The following DST variants were observed in gnomAD, a reference collection of about 807,000 sequenced individuals.
DST encodes dystonin, also known as bullous pemphigoid antigen.
In DST, 253 loss-of-function variants were observed where a neutral mutation model predicts 875.2. The observed-to-expected ratio is 0.29, with a 90% CI of 0.26 to 0.32. DST has a LOEUF of 0.32. Ranked by LOEUF, DST falls within the 10% of genes least tolerant of loss-of-function variation. The pLI, the probability that DST is intolerant of heterozygous loss-of-function variation, is 1.00. For synonymous variants in DST, 3,124 were observed against 3,197.1 expected, an observed-to-expected ratio of 0.98 and a Z score of 0.77; for missense variants, 8,287 against 9,111.6, an observed-to-expected ratio of 0.91 and a Z score of 3.68.
intron 68 of DST, among the ~76,000 whole-genome samples, chr6:56,526,848 AC>A (rs1263358777): frequency 3.3e-5 from 5 of 152,234 alleles, no homozygotes; most frequent in Non-Finnish European, 7.3e-5. Context: ...AGAAGCAAAA[AC>A]AAGCAAGTTA....
At chr6:56,713,025 C>G (rs1410460518) in intron 5 of DST, among the ~76,000 whole-genome samples, 1 of 152,220 alleles carries the variant, frequency 6.6e-6, no homozygotes, top group Admixed American at 6.5e-5. Flanking sequence ...AGCAACCTCT[C>G]AAGTCATGTG....
At chr6:56,585,806 G>A (rs573253370) in intron 49 of DST, among the ~76,000 whole-genome samples, 32 of 151,890 alleles carry the variant, frequency 2.1e-4, no homozygotes, top group South Asian at 8.3e-4. Context: ...CTTTGTTCTC[G>A]TTGGTTTCAA....
intron 4 of DST, among the ~76,000 whole-genome samples, chr6:56,817,120 A>T (rs2099767473): frequency 6.6e-6 from 1 of 151,854 alleles, no homozygotes; most frequent in Non-Finnish European, 1.5e-5. Flanking sequence ...AAGTAAATTA[A>T]ATTTTTTTTT....
intron 44 of DST, 121 bp downstream of exon 44, chr6:56,601,322 T>C (rs2098443960): frequency 1.6e-6 from 1 of 638,694 alleles, no homozygotes; most frequent in Non-Finnish European, 2.8e-6. Context: ...GTATGTACAC[T>C]GTATCTTATC....
At chr6:56,701,332 C>T (rs1354273708) in intron 8 of DST, among the ~76,000 whole-genome samples, 1 of 152,024 alleles carries the variant, frequency 6.6e-6, no homozygotes, top group Non-Finnish European at 1.5e-5. Flanking sequence ...ATGATTTCTC[C>T]TGATACCTCA....
At chr6:56,832,896 C>A (rs1454213760) in intron 4 of DST, among the ~76,000 whole-genome samples, 2 of 152,144 alleles carry the variant, frequency 1.3e-5, no homozygotes, top group Non-Finnish European at 2.9e-5. Flanking sequence ...TCCACCACCA[C>A]ATCCAGCTAA....
intron 2 of DST, among the ~76,000 whole-genome samples, chr6:56,937,089 G>A (rs1562463093): frequency 6.6e-6 from 1 of 151,454 alleles, no homozygotes; most frequent in Non-Finnish European, 1.5e-5. Context: ...AAAAGCAGCA[G>A]GAAACTTATT....
At chr6:56,760,110 T>C (rs1169451547) in intron 4 of DST, among the ~76,000 whole-genome samples, 1 of 152,120 alleles carries the variant, frequency 6.6e-6, no homozygotes, top group African/African-American at 2.4e-5. Context: ...GAACACAAAT[T>C]TAAAAGAAAA....
At position 56,636,411 on chromosome 6, in the gene DST, T is replaced by TAC. The variant is rs564139907; in HGVS notation, c.3060+144_3060+145dup. The TAC allele has an allele frequency of 2.2e-3, 1,446 of 664,008 alleles. 34 individuals are homozygous for TAC. Among genetic ancestry groups the TAC allele is most frequent in the South Asian group, 0.022 (1,386 of 64,322 alleles). The allele number at this position is 664,008 out of a possible 1,614,324, so 41.1% of individuals were successfully genotyped here. Reference sequence around the variant, plus strand: ...GTGTATACGTATGTGTGTATATATATACACACATATATGTGTATATATATA... The same window carrying TAC: ...GTGTATACGTATGTGTGTATATATATACACACACATATATGTGTATATATATA... On this transcript the variant is annotated intron_variant, in intron 23 of 103. Transcript: ENST00000680361.
chr6:56,931,101 TC>T (rs1050591301), intron 2 of DST, among the ~76,000 whole-genome samples: 1 of 152,212 alleles, frequency 6.6e-6, no homozygotes, highest in Non-Finnish European at 1.5e-5. Context: ...CTAGCTGCAT[TC>T]CTCAGTAAAG....
intron 3 of DST, among the ~76,000 whole-genome samples, chr6:56,872,537 A>C (rs1777685657): frequency 6.6e-6 from 1 of 152,124 alleles, no homozygotes; most frequent in African/African-American, 2.4e-5. Flanking sequence ...AAACAAATAA[A>C]TAAAATAAAA....
At chr6:56,635,353 G>A (rs190305417) in intron 24 of DST, among the ~76,000 whole-genome samples, 2,348 of 151,590 alleles carry the variant, frequency 0.015, 51 homozygotes, top group African/African-American at 0.053. Flanking sequence ...AAACACACAC[G>A]TGCACACACA....
At position 56,639,318 on chromosome 6, in the gene DST, C is replaced by G; in HGVS notation, c.2905G>C (p.Val969Leu). 6.2e-7 allele frequency: 1 copy of G among 1,613,804 alleles called. No homozygotes were observed. Among genetic ancestry groups the G allele is most frequent in the East Asian group, 2.2e-5 (1 of 44,850 alleles). The part of the protein sequence containing the change: ...LDQKEENIKS[V>L]QEIAEQLLLE... ...AGTAGCTGCTCTGCTATCTCCTGAA[C>G]TGATTTAATATTTTCTTCCTTTTGA... Residue 969 changes from valine (V) to leucine (L), a missense_variant, in exon 22 of 104, where the codon GTT becomes CTT. By Grantham distance (32) the Val-to-Leu change is conservative (BLOSUM62 1). Around this residue, in one of 10 missense-constraint regions of DST, gnomAD observed 1,160 missense variants for 1,424.3 expected, o/e 0.81. Coordinates refer to ENST00000680361, the MANE Select transcript of DST (RefSeq NM_001374736.1).
intron 2 of DST, among the ~76,000 whole-genome samples, chr6:56,922,991 T>G (rs1348677855): frequency 6.6e-6 from 1 of 152,134 alleles, no homozygotes; most frequent in Non-Finnish European, 1.5e-5. Context: ...CAAAACTTGA[T>G]AAACTCAAGG....
At chr6:56,481,999 C>T in intron 90 of DST, 51 bp downstream of exon 90, 2 of 1,572,690 alleles carry the variant, frequency 1.3e-6, no homozygotes, top group Non-Finnish European at 1.7e-6. Context: ...GTCTATTTTC[C>T]CTGCTTTGAT....
At chr6:56,626,106 A>C (rs1456398126) in intron 34 of DST, among the ~76,000 whole-genome samples, 3 of 151,910 alleles carry the variant, frequency 2.0e-5, no homozygotes, top group Non-Finnish European at 4.4e-5. Context: ...GAAAAGAGTC[A>C]AAAGGTTAAA....
At position 56,493,100 on chromosome 6, in the gene DST, A is replaced by C; in HGVS notation, c.20395-11T>G. The C allele has an allele frequency of 1.9e-6, 3 of 1,605,098 alleles. No individual in the cohort carries two copies. The highest frequency in any genetic ancestry group is 2.6e-6 in the Non-Finnish European group (3 of 1,175,242). ...CTCTTCCAGTTTAGTCTGCAAGGACAGATTGTTTAGTATGTGATGTTTAAG... is the reference window on the plus strand; with the variant it reads ...CTCTTCCAGTTTAGTCTGCAAGGACCGATTGTTTAGTATGTGATGTTTAAG... On this transcript the variant is annotated splice_polypyrimidine_tract_variant and intron_variant, in intron 83 of 103. Transcript: ENST00000680361.
At chr6:56,473,296 G>A (rs1045109765) in intron 93 of DST, among the ~76,000 whole-genome samples, 5 of 152,114 alleles carry the variant, frequency 3.3e-5, no homozygotes, top group Non-Finnish European at 7.4e-5. Flanking sequence ...TAAGTAATAC[G>A]CAAAATGCAT....
At chr6:56,677,203 C>G (rs1404791579) in intron 9 of DST, among the ~76,000 whole-genome samples, 2 of 152,136 alleles carry the variant, frequency 1.3e-5, no homozygotes, top group African/African-American at 4.8e-5. Flanking sequence ...ACAGTCATAT[C>G]AAGTGCTTAT....
Sources: gnomAD v4.1 joint callset for allele counts (sites outside exome capture counted in the v4.1 genomes callset) on GRCh38, gnomAD v4.1.1 for gene constraint, gnomAD v4.1.1 regional missense constraint, MANE v1.5 for transcripts, NCBI Gene and HGNC (gene_info 2026-07-23, HGNC 2026-07-21) for gene names.